The following MAP3K21 variants were observed in gnomAD, a reference collection of about 807,000 sequenced individuals.
The protein encoded by MAP3K21 is mitogen-activated protein kinase kinase kinase 21, also known as mitogen-activated protein kinase kinase kinase MLK4.
MAP3K21 carries 63 observed loss-of-function variants against 86.1 expected under a neutral mutation model. The observed-to-expected ratio is 0.73, with a 90% CI of 0.60 to 0.90. MAP3K21 has a LOEUF of 0.90. Among genes scored for constraint, MAP3K21 ranks in the 40% least tolerant of loss-of-function variants. The pLI, the probability that MAP3K21 is intolerant of heterozygous loss-of-function variation, is 0.00. For synonymous variants in MAP3K21, 558 were observed against 564.8 expected (o/e 0.99, Z 0.17); for missense variants, 1,220 against 1,367.7 (o/e 0.89, Z 1.70).
chr1:233,365,638 G>A (rs1294272229), intron 5 of MAP3K21, among the ~76,000 whole-genome samples: 3 of 152,166 alleles, frequency 2.0e-5, no homozygotes, highest in African/African-American at 7.2e-5. Flanking sequence ...TGTTGGTGAG[G>A]ATGTGGAGAA....
chr1:233,376,397 T>C, intron 7 of MAP3K21, 33 bp from the exon 8 acceptor site: 3 of 1,475,926 alleles, frequency 2.0e-6, no homozygotes, highest in Non-Finnish European at 2.8e-6. Flanking sequence ...TGTGTGCTTC[T>C]ATCTTATGAA....
chr1:233,328,001 G>C lies in MAP3K21; in HGVS notation c.-28G>C, dbSNP rs969405645. 1.6e-6 allele frequency: 2 copies of C among 1,249,832 alleles called. No homozygotes were observed. The highest frequency in any genetic ancestry group is 2.0e-6 in the Non-Finnish European group (2 of 998,820). The allele number at this position is 1,249,832 out of a possible 1,614,324, so 77.4% of individuals were successfully genotyped here. A position where few individuals can be genotyped will look rare whatever the true frequency, so the allele number is the denominator to read the frequency against. ...CCCGGGAGGCTGAGCCCAGCTTCCC[G>C]CTCCGCCTTCCCCGCGCAGCTGCCC... On this transcript the variant is annotated 5_prime_UTR_variant, in exon 1 of 10. Transcript: ENST00000366624. The surrounding 1 kb of genome is among the most constrained non-coding windows in gnomAD (Gnocchi z 8.7).
intron 1 of MAP3K21, among the ~76,000 whole-genome samples, chr1:233,345,022 C>T (rs1456553278): frequency 1.3e-5 from 2 of 152,136 alleles, no homozygotes; most frequent in African/African-American, 4.8e-5. Flanking sequence ...CAAATCAAAA[C>T]CACAGTGAGA....
intron 5 of MAP3K21, among the ~76,000 whole-genome samples, chr1:233,370,096 A>G (rs1663655742): frequency 6.6e-6 from 1 of 152,208 alleles, no homozygotes; most frequent in South Asian, 2.1e-4. Context: ...AGGAAGATGG[A>G]CACAAGGCAT....
rs72300159 is a variant in MAP3K21 at position 233,345,726 on chromosome 1, TATAATAATAATAATAATAATA to T, written c.806-699_806-679del. Among the ~76,000 whole-genome samples, 45 of 146,320 alleles carry T rather than the reference TATAATAATAATAATAATAATA, an allele frequency of 3.1e-4. 1 individual carries two copies. Among genetic ancestry groups the T allele is most frequent in the Admixed American group, 1.1e-3 (16 of 14,750 alleles). On this transcript the variant is annotated intron_variant, in intron 1 of 9. Coordinates refer to ENST00000366624, the MANE Select transcript of MAP3K21 (RefSeq NM_032435.3). ...TGCACATGTACCCTAGAACTCAAAG[TATAATAATAATAATAATAATA>T]ATAATAATAATAATAAAAGCACATT... is the stretch of plus-strand genomic sequence containing the variant.
chr1:233,366,598 A>G (rs1282438525), intron 5 of MAP3K21, among the ~76,000 whole-genome samples: 1 of 152,246 alleles, frequency 6.6e-6, no homozygotes, highest in Non-Finnish European at 1.5e-5. Flanking sequence ...TGGAGTTACC[A>G]ACTTCTTGAA....
In MAP3K21 at chr1:233,346,586, A is replaced by G; in HGVS notation, c.950A>G (p.Lys317Arg). 1 of 1,613,852 alleles carries G rather than the reference A, an allele frequency of 6.2e-7. No individual in the cohort carries two copies. Among genetic ancestry groups the G allele is most frequent in the Non-Finnish European group, 8.5e-7 (1 of 1,179,864 alleles). The change falls in exon 2 of 10, where the codon AAG (lysine) becomes AGG (arginine). Residue 317 changes from lysine (K) to arginine (R), a missense_variant. Coordinates refer to ENST00000366624, the MANE Select transcript of MAP3K21 (RefSeq NM_032435.3). Reference protein sequence around the residue: ...TYAWMAPEVIKSSLFSKGSDI... With the variant: ...TYAWMAPEVIRSSLFSKGSDI... ...GCCTGGATGGCCCCCGAAGTGATCA[A>G]GTCTTCCTTGTTTTCTAAGGGAAGC... is the stretch of plus-strand genomic sequence containing the variant.
At chr1:233,360,480 T>C (rs1663446918) in intron 4 of MAP3K21, among the ~76,000 whole-genome samples, 1 of 152,234 alleles carries the variant, frequency 6.6e-6, no homozygotes, top group Non-Finnish European at 1.5e-5. Flanking sequence ...GTTTTTCTTG[T>C]GAAATTTGTT....
rs143728354 is a variant in MAP3K21 at position 233,355,128 on chromosome 1, G to T, written c.1311+117G>T. ...ATATCTTTAGATATCAATATTTGTT[G>T]ATTCTCACCTTCTTTCAGGTTAAAA... On this transcript the variant is annotated intron_variant, in intron 4 of 9. Transcript: ENST00000366624. 962 of 716,970 alleles carry T rather than the reference G, an allele frequency of 1.3e-3. 5 individuals are homozygous for T. In the African/African-American group the frequency reaches 0.013, roughly 10 times the overall value. 44.4% of individuals were successfully genotyped at this position (716,970 alleles called of 1,614,324 possible). A position where few individuals can be genotyped will look rare whatever the true frequency, so the allele number is the denominator to read the frequency against.
At chr1:233,379,937 T>C (rs1558465222) in intron 9 of MAP3K21, among the ~76,000 whole-genome samples, 1 of 152,192 alleles carries the variant, frequency 6.6e-6, no homozygotes, top group East Asian at 1.9e-4. Flanking sequence ...TATAATAGCA[T>C]ATCAAAGCAG....
In MAP3K21 at chr1:233,346,519, G is replaced by C; in HGVS notation, c.883G>C (p.Glu295Gln). Residue 295 changes from glutamate to glutamine, a missense_variant, in exon 2 of 10, where the codon GAA becomes CAA. Transcript: ENST00000366624. ...LKITDFGLAR[E>Q]WHRTTKMSTA... is the part of the protein sequence containing the mutation. Reference sequence around the variant, plus strand: ...GATTACAGATTTTGGGTTGGCGAGGGAATGGCACAGGACCACCAAAATGAG... The same window carrying C: ...GATTACAGATTTTGGGTTGGCGAGGCAATGGCACAGGACCACCAAAATGAG... 1 of 1,613,880 alleles carries C rather than the reference G, an allele frequency of 6.2e-7. No homozygotes were observed. The highest frequency in any genetic ancestry group is 8.5e-7 in the Non-Finnish European group (1 of 1,179,810).
intron 2 of MAP3K21, among the ~76,000 whole-genome samples, chr1:233,351,545 G>C (rs1663252950): frequency 6.6e-6 from 1 of 152,076 alleles, no homozygotes; most frequent in Non-Finnish European, 1.5e-5. Flanking sequence ...ACAAAAATTA[G>C]TTGGGTGTGG....
chr1:233,336,155 A>G (rs779341723), intron 1 of MAP3K21, among the ~76,000 whole-genome samples: 3 of 152,204 alleles, frequency 2.0e-5, no homozygotes, highest in Non-Finnish European at 4.4e-5. Flanking sequence ...GCTTCAGTGA[A>G]CCTTAGGAAT....
At chr1:233,367,135 T>C (rs1200856430) in intron 5 of MAP3K21, among the ~76,000 whole-genome samples, 1 of 152,196 alleles carries the variant, frequency 6.6e-6, no homozygotes, top group Non-Finnish European at 1.5e-5. Context: ...CTCCAAAAGT[T>C]GGTATGTCAC....
intron 2 of MAP3K21, among the ~76,000 whole-genome samples, chr1:233,351,184 A>G (rs1231702593): frequency 6.6e-6 from 1 of 152,156 alleles, no homozygotes; most frequent in African/African-American, 2.4e-5. Flanking sequence ...ATAATTAACT[A>G]TAATATAGAT....
chr1:233,330,157 G>A (rs183906126), intron 1 of MAP3K21, among the ~76,000 whole-genome samples: 1 of 152,334 alleles, frequency 6.6e-6, no homozygotes, highest in Non-Finnish European at 1.5e-5. Context: ...TACTAATGTA[G>A]CATTTTCACT....
In MAP3K21 at chr1:233,372,051, G is replaced by C; in HGVS notation, c.1566G>C (p.Lys522Asn). The C allele has an allele frequency of 3.1e-6, 5 of 1,613,302 alleles. No homozygotes were observed. Among genetic ancestry groups the C allele is most frequent in the Non-Finnish European group, 4.2e-6 (5 of 1,179,694 alleles). The change falls in exon 6 of 10, where the codon AAG becomes AAC. Residue 522 changes from lysine to asparagine, a missense_variant. Physicochemically the swap from Lys to Asn is moderately conservative, Grantham distance 94. This residue lies in a region of MAP3K21 where 632 missense variants were observed against 691.3 expected (regional missense o/e 0.91). Coordinates refer to ENST00000366624, the MANE Select transcript of MAP3K21 (RefSeq NM_032435.3). ...RISLPSDFQH[K>N]ITVQASPNLD... ...TGCCTCCAACAGATTTCCAGCACAA[G>C]ATAACCGTGCAGGCCTCTCCCAACT...
chr1:233,379,073 G>T lies in MAP3K21; in HGVS notation c.2067G>T (p.Trp689Cys). The T allele has an allele frequency of 6.2e-7, 1 of 1,614,118 alleles. No homozygotes were observed. The highest frequency in any genetic ancestry group is 8.5e-7 in the Non-Finnish European group (1 of 1,179,964). ...QRENPAEAES[W>C]EEAASANAAT... ...AGAATCCTGCAGAAGCTGAAAGCTG[G>T]GAGGAGGCAGCCTCTGCGAATGCTG... Residue 689 changes from tryptophan (W) to cysteine (C), a missense_variant, in exon 9 of 10, where the codon TGG becomes TGT. Coordinates refer to ENST00000366624, the MANE Select transcript of MAP3K21 (RefSeq NM_032435.3).
Position 233,362,176 on chromosome 1 carries a change from C to T in MAP3K21, c.1435C>T (p.Leu479Phe). ...EREIDVLERELNILIFQLNQE... is the reference protein window; with the variant it reads ...EREIDVLEREFNILIFQLNQE... ...CGAGATCGACGTGCTGGAGCGGGAA[C>T]TTAACATTCTGATATTCCAGCTAAA... Residue 479 changes from leucine to phenylalanine, a missense_variant, in exon 5 of 10, where the codon CTT becomes TTT. By Grantham distance (22) the Leu-to-Phe change is conservative. Coordinates refer to ENST00000366624, the MANE Select transcript of MAP3K21 (RefSeq NM_032435.3). 1 of 1,614,214 alleles carries T rather than the reference C, an allele frequency of 6.2e-7. No individual in the cohort carries two copies. The highest frequency in any genetic ancestry group is 2.2e-5 in the East Asian group (1 of 44,876).
Sources: gnomAD v4.1 joint callset for allele counts (sites outside exome capture counted in the v4.1 genomes callset) on GRCh38, gnomAD v4.1.1 for gene constraint, gnomAD v4.1.1 regional missense constraint, Gnocchi (gnomAD v3.1) non-coding constraint, MANE v1.5 for transcripts, NCBI Gene and HGNC (gene_info 2026-07-23, HGNC 2026-07-21) for gene names.